Variants in PARVA observed in about 807,000 individuals in gnomAD.
The protein encoded by PARVA is parvin alpha.
PARVA carries 25 observed loss-of-function variants against 52.6 expected under a neutral mutation model. The ratio of observed to expected loss-of-function variants is 0.48; its 90% CI spans 0.35 to 0.66. The LOEUF (loss-of-function observed/expected upper bound fraction) is 0.66, where lower values mean the gene tolerates loss of function less well. Ranked by LOEUF, PARVA falls within the 30% of genes least tolerant of loss-of-function variation. The pLI, the probability that PARVA is intolerant of heterozygous loss-of-function variation, is 0.01. For synonymous variants in PARVA, 185 were observed against 179.1 expected (o/e 1.03, Z -0.26); for missense variants, 373 against 450.9 (o/e 0.83, Z 1.56).
intron 8 of PARVA, 140 bp from the exon 9 acceptor site, chr11:12,513,159 C>T (rs1363097401): frequency 2.6e-6 from 2 of 778,244 alleles, no homozygotes; most frequent in South Asian, 1.4e-5. Context: ...CCAGAGTTCC[C>T]GGCACAGTCT....
chr11:12,517,516 T>C (rs1941584437), intron 10 of PARVA, 94 bp from the exon 11 acceptor site: 2 of 922,998 alleles, frequency 2.2e-6, no homozygotes, highest in Non-Finnish European at 1.7e-6. Context: ...GGTGGTAGGC[T>C]TCAGGTGGCA....
chr11:12,491,006 TC>T (rs1941227704), intron 4 of PARVA, among the ~76,000 whole-genome samples: 1 of 150,758 alleles, frequency 6.6e-6, no homozygotes, highest in Non-Finnish European at 1.5e-5. Context: ...AAAACATTAA[TC>T]CAAAAAAAAA....
chr11:12,484,267 G>A (rs1271092992), intron 4 of PARVA, among the ~76,000 whole-genome samples: 1 of 152,114 alleles, frequency 6.6e-6, no homozygotes, highest in Admixed American at 6.5e-5. Context: ...TCCTGGCTTG[G>A]GATGTCTATG....
chr11:12,527,437 G>A (rs781146518), intron 12 of PARVA, among the ~76,000 whole-genome samples: 1 of 152,120 alleles, frequency 6.6e-6, no homozygotes, highest in South Asian at 2.1e-4. Flanking sequence ...CCCCCATGAC[G>A]CCTATTTCCT....
intron 11 of PARVA, among the ~76,000 whole-genome samples, chr11:12,518,105 C>CAG (rs200021887): frequency 0.058 from 8,886 of 152,266 alleles, 427 homozygotes; most frequent in East Asian, 0.17. Context: ...AGGCATTTGA[C>CAG]CAGAAAGCCT....
intron 1 of PARVA, among the ~76,000 whole-genome samples, chr11:12,410,920 A>C (rs1939984081): frequency 6.6e-6 from 1 of 152,214 alleles, no homozygotes; most frequent in African/African-American, 2.4e-5. Flanking sequence ...TTACCTGTAT[A>C]ACCTCAGGCA....
chr11:12,496,444 C>T lies in PARVA; in HGVS notation c.401-14C>T, dbSNP rs1450220684. On this transcript the variant is annotated splice_polypyrimidine_tract_variant and intron_variant, in intron 4 of 12. Transcript: ENST00000334956. ...CAGCATAACAGCTGTTCTCTTTTCC[C>T]TTGTCACCCTCAGAGAAACTGGAGA... The T allele has an allele frequency of 1.2e-6, 2 of 1,603,130 alleles. No individual in the cohort carries two copies. The highest frequency in any genetic ancestry group is 1.7e-6 in the Non-Finnish European group (2 of 1,174,768).
intron 1 of PARVA, among the ~76,000 whole-genome samples, chr11:12,452,200 G>T (rs1940631501): frequency 6.6e-6 from 1 of 152,024 alleles, no homozygotes; most frequent in South Asian, 2.1e-4. Context: ...CTCCAGGCAG[G>T]GCTTAGCATT....
At chr11:12,459,493 C>G (rs1396987048) in intron 1 of PARVA, among the ~76,000 whole-genome samples, 2 of 152,032 alleles carry the variant, frequency 1.3e-5, no homozygotes, top group South Asian at 4.2e-4. Context: ...TGCACGAGTT[C>G]CCAGAGGCCC....
chr11:12,377,788 G>A lies in PARVA; in HGVS notation c.136+5G>A. ...GGAGGAAGAAAGCCAAGGAGGGTGA[G>A]TGCGGCCAGGCCGGCCGGGCGGGCG... is the stretch of plus-strand genomic sequence containing the variant. On this transcript the variant is annotated splice_donor_5th_base_variant and intron_variant, in intron 1 of 12. Coordinates refer to ENST00000334956, the MANE Select transcript of PARVA (RefSeq NM_018222.5). The A allele has an allele frequency of 1.3e-6, 2 of 1,491,950 alleles. No homozygotes were observed. The highest frequency in any genetic ancestry group is 1.8e-6 in the Non-Finnish European group (2 of 1,123,012). 92.4% of individuals were successfully genotyped at this position (1,491,950 alleles called of 1,614,324 possible).
intron 4 of PARVA, chr11:12,478,683 C>T (rs1941046640): frequency 6.4e-6 from 1 of 156,146 alleles, no homozygotes; most frequent in Non-Finnish European, 1.4e-5. Flanking sequence ...CTCTCCCTTC[C>T]TCCTCTGCCC....
chr11:12,521,095 GGC>G (rs756617757), intron 12 of PARVA, among the ~76,000 whole-genome samples: 2 of 152,170 alleles, frequency 1.3e-5, no homozygotes, highest in Non-Finnish European at 2.9e-5. Flanking sequence ...CAGAATAACA[GGC>G]AGGCAGGGAC....
At chr11:12,467,165 A>C (rs1374561988) in intron 1 of PARVA, among the ~76,000 whole-genome samples, 1 of 152,186 alleles carries the variant, frequency 6.6e-6, no homozygotes, top group Admixed American at 6.5e-5. Context: ...TTAAATTTCA[A>C]CCATTCAGTG....
intron 1 of PARVA, among the ~76,000 whole-genome samples, chr11:12,413,889 A>G (rs1007332685): frequency 2.6e-5 from 4 of 152,228 alleles, no homozygotes; most frequent in Non-Finnish European, 5.9e-5. Flanking sequence ...CAGAGAACAA[A>G]GCAGTTTCTG....
At chr11:12,446,549 A>T (rs539842007) in intron 1 of PARVA, among the ~76,000 whole-genome samples, 10 of 152,384 alleles carry the variant, frequency 6.6e-5, no homozygotes, top group Admixed American at 4.6e-4. Flanking sequence ...CTAGACTGCA[A>T]CAACCCAATG....
At chr11:12,507,535 T>A (rs961345690) in intron 6 of PARVA, among the ~76,000 whole-genome samples, 1 of 152,144 alleles carries the variant, frequency 6.6e-6, no homozygotes, top group Non-Finnish European at 1.5e-5. Flanking sequence ...TGGAACACAT[T>A]TGTGCGTCCT....
intron 4 of PARVA, among the ~76,000 whole-genome samples, chr11:12,482,138 A>T (rs1355805228): frequency 6.6e-6 from 1 of 150,778 alleles, no homozygotes; most frequent in Non-Finnish European, 1.5e-5. Context: ...CCTGGGCAGC[A>T]AGAACGAAAC....
At chr11:12,437,748 G>C (rs1419864923) in intron 1 of PARVA, among the ~76,000 whole-genome samples, 1 of 152,208 alleles carries the variant, frequency 6.6e-6, no homozygotes, top group Non-Finnish European at 1.5e-5. Context: ...TGAAGCTGAA[G>C]ACAGAATCAG....
intron 1 of PARVA, among the ~76,000 whole-genome samples, chr11:12,456,017 CT>C (rs1253385139): frequency 1.3e-5 from 2 of 152,162 alleles, no homozygotes; most frequent in Admixed American, 1.3e-4. Flanking sequence ...ACCTTGCTGT[CT>C]CTTTGCATCT....
Sources: gnomAD v4.1 joint callset for allele counts (sites outside exome capture counted in the v4.1 genomes callset) on GRCh38, gnomAD v4.1.1 for gene constraint, MANE v1.5 for transcripts, NCBI Gene and HGNC (gene_info 2026-07-23, HGNC 2026-07-21) for gene names.